Variants in PTPRG observed in about 807,000 individuals in gnomAD.
PTPRG encodes the protein protein tyrosine phosphatase receptor type G.
In PTPRG, 102 loss-of-function variants were observed where a neutral mutation model predicts 165.3. That is an observed-to-expected ratio of 0.62 (90% CI 0.53 to 0.73). The LOEUF is 0.73. PTPRG is among the 30% of genes least tolerant of loss of function. The pLI is 0.00. For synonymous variants in PTPRG, 675 were observed against 669.5 expected, an observed-to-expected ratio of 1.01 and a Z score of -0.13; for missense variants, 1,866 against 1,861.4, an observed-to-expected ratio of 1.00 and a Z score of -0.05.
At chr3:61,659,010 C>A (rs954943855) in intron 1 of PTPRG, among the ~76,000 whole-genome samples, 1 of 151,980 alleles carries the variant, frequency 6.6e-6, no homozygotes, top group South Asian at 2.1e-4. Context: ...TAGCCTTCTA[C>A]CTAGGAGCAT....
At position 62,214,998 on chromosome 3, in the gene PTPRG, C is replaced by T. The variant is rs1006428061; in HGVS notation, c.2156-3853C>T. On this transcript the variant is annotated intron_variant, in intron 12 of 29. Coordinates refer to ENST00000474889, the MANE Select transcript of PTPRG (RefSeq NM_002841.4). This position sits in a 1 kb window ranked among gnomAD's most constrained non-coding sequence, Gnocchi z 5.2. ...TGGCATCAGGAAAGGAAAGGCACTC[C>T]CTGCAGTAGGAATGGGAGGGGCAAA... 6.6e-6 allele frequency among the ~76,000 whole-genome samples: 1 copy of T among 152,116 alleles called. No homozygotes were observed. Among genetic ancestry groups the T allele is most frequent in the South Asian group, 2.1e-4 (1 of 4,818 alleles).
intron 5 of PTPRG, among the ~76,000 whole-genome samples, chr3:62,104,564 A>G (rs1014631656): frequency 3.9e-5 from 6 of 152,220 alleles, no homozygotes; most frequent in Non-Finnish European, 7.3e-5. Context: ...TGTATGCAAC[A>G]GGCAGTAATA....
chr3:61,753,585 GTTT>G (rs10640815), intron 2 of PTPRG: 168 of 364,354 alleles, frequency 4.6e-4, no homozygotes, highest in Middle Eastern at 1.2e-3. Context: ...AAATTTGAGG[GTTT>G]TTTTTTTTTT....
At chr3:61,629,426 T>C (rs531884736) in intron 1 of PTPRG, among the ~76,000 whole-genome samples, 1 of 152,282 alleles carries the variant, frequency 6.6e-6, no homozygotes, top group South Asian at 2.1e-4. Flanking sequence ...AGTGCCGAGA[T>C]TACAGGTGTA....
rs1383946725 is a variant in PTPRG at position 62,218,938 on chromosome 3, C to G, written c.2243C>G (p.Thr748Ser). The change falls in exon 13 of 30, where the codon ACC becomes AGC. Residue 748 changes from threonine to serine, a missense_variant. Transcript: ENST00000474889. ...IIPLIVVSALTFVCLILLIAV... is the reference protein window; with the variant it reads ...IIPLIVVSALSFVCLILLIAV... ...CCTCTGATTGTGGTATCAGCCTTGACCTTCGTGTGCCTCATCCTTCTCATT... is the reference window on the plus strand; with the variant it reads ...CCTCTGATTGTGGTATCAGCCTTGAGCTTCGTGTGCCTCATCCTTCTCATT... 1.4e-5 allele frequency: 22 copies of G among 1,614,128 alleles called. No individual in the cohort carries two copies. The highest frequency in any genetic ancestry group is 1.9e-5 in the Non-Finnish European group (22 of 1,180,010).
chr3:62,094,237 C>A (rs905178851), intron 5 of PTPRG, among the ~76,000 whole-genome samples: 8 of 152,158 alleles, frequency 5.3e-5, no homozygotes, highest in Non-Finnish European at 8.8e-5. Context: ...TCCTACCCTC[C>A]TGGAAACTCC....
At chr3:62,022,251 T>G (rs1247254153) in intron 4 of PTPRG, among the ~76,000 whole-genome samples, 2 of 152,224 alleles carry the variant, frequency 1.3e-5, no homozygotes, top group Non-Finnish European at 2.9e-5. Context: ...AATAAAAGAA[T>G]GAACCCACTA....
intron 2 of PTPRG, among the ~76,000 whole-genome samples, chr3:61,855,351 A>G (rs927997832): frequency 4.6e-5 from 7 of 152,176 alleles, no homozygotes; most frequent in African/African-American, 1.7e-4. Context: ...TTGTACCTTC[A>G]GTGTTTTGTA....
rs1005237357 is a variant in PTPRG, at chr3:62,296,286, A to G, written c.*2979A>G. 3 of 152,000 alleles carry G rather than the reference A, an allele frequency of 2.0e-5. No individual in the cohort carries two copies. The highest frequency in any genetic ancestry group is 4.8e-5 in the African/African-American group (2 of 41,402). The allele number at this position is 152,000 out of a possible 1,614,324, so 9.4% of individuals were successfully genotyped here. ...TCTATTCAAGTAGAAGAGTCCAGCG[A>G]GGCCAAAGAAGGGTTACGGTGTTCA... is the stretch of plus-strand genomic sequence containing the variant. On this transcript the variant is annotated 3_prime_UTR_variant, in exon 30 of 30. Transcript: ENST00000474889.
At chr3:61,790,107 T>C (rs1439492108) in intron 2 of PTPRG, among the ~76,000 whole-genome samples, 1 of 152,200 alleles carries the variant, frequency 6.6e-6, no homozygotes, top group African/African-American at 2.4e-5. Flanking sequence ...TGGAGTAGAC[T>C]GGTGTGATCA....
At chr3:61,706,678 T>C (rs1480661560) in intron 1 of PTPRG, among the ~76,000 whole-genome samples, 4 of 151,874 alleles carry the variant, frequency 2.6e-5, no homozygotes, top group Non-Finnish European at 5.9e-5. Flanking sequence ...TTAGTAGAGA[T>C]GGGGTTTCAC....
chr3:61,597,963 T>G (rs193238100), intron 1 of PTPRG, among the ~76,000 whole-genome samples: 6 of 152,264 alleles, frequency 3.9e-5, no homozygotes, highest in African/African-American at 1.4e-4. Context: ...CCACAGTTTG[T>G]TTTTCTTTAC....
At chr3:62,247,796 G>C (rs1267157042) in intron 15 of PTPRG, among the ~76,000 whole-genome samples, 4 of 152,146 alleles carry the variant, frequency 2.6e-5, no homozygotes, top group African/African-American at 9.7e-5. Context: ...CAAAGCATAC[G>C]TGGAATCAGT....
At chr3:61,618,461 G>A (rs562053007) in intron 1 of PTPRG, among the ~76,000 whole-genome samples, 1 of 152,244 alleles carries the variant, frequency 6.6e-6, no homozygotes, top group South Asian at 2.1e-4. Flanking sequence ...CTAAAGCATG[G>A]TGGGGTATTC....
intron 3 of PTPRG, among the ~76,000 whole-genome samples, chr3:61,998,150 C>T (rs1017481549): frequency 6.6e-6 from 1 of 152,168 alleles, no homozygotes; most frequent in African/African-American, 2.4e-5. Context: ...TGGGGGATGT[C>T]CTGCAAAGAA....
At chr3:61,887,140 A>ATG (rs2038065209) in intron 2 of PTPRG, among the ~76,000 whole-genome samples, 1 of 52,334 alleles carries the variant, frequency 1.9e-5, no homozygotes, top group Admixed American at 2.1e-4. Flanking sequence ...ATATATATAT[A>ATG]TATATATATA....
chr3:61,833,766 T>C (rs2107303138), intron 2 of PTPRG, among the ~76,000 whole-genome samples: 1 of 152,216 alleles, frequency 6.6e-6, no homozygotes, highest in African/African-American at 2.4e-5. Context: ...GGTTTCAGCA[T>C]GTTGGCCAGG....
intron 28 of PTPRG, among the ~76,000 whole-genome samples, chr3:62,288,971 T>C (rs980020670): frequency 2.0e-5 from 3 of 152,156 alleles, no homozygotes; most frequent in African/African-American, 7.2e-5. Flanking sequence ...AAAATAAGCA[T>C]TTAAGACTTT....
chr3:61,784,419 T>C (rs1368884560), intron 2 of PTPRG, among the ~76,000 whole-genome samples: 1 of 152,216 alleles, frequency 6.6e-6, no homozygotes, highest in Admixed American at 6.5e-5. Flanking sequence ...TATAAAGACA[T>C]AGTTTTAACC....
Sources: allele counts gnomAD v4.1 joint callset (sites outside exome capture counted in the v4.1 genomes callset), GRCh38; gene constraint gnomAD v4.1.1; non-coding constraint Gnocchi (gnomAD v3.1); transcripts MANE v1.5; gene names NCBI Gene and HGNC (gene_info 2026-07-23, HGNC 2026-07-21).